Variants in CASR observed in about 807,000 individuals in gnomAD.
CASR encodes extracellular calcium-sensing receptor.
Under a neutral mutation model 69.1 loss-of-function variants are expected in CASR, and 23 were observed. The observed-to-expected ratio is 0.33, with a 90% confidence interval of 0.24 to 0.47. The LOEUF (loss-of-function observed/expected upper bound fraction) is 0.47, where lower values mean the gene tolerates loss of function less well. Among genes scored for constraint, CASR ranks in the 20% least tolerant of loss-of-function variants. CASR has a pLI of 1.00. For synonymous variants in CASR, 541 were observed against 544.7 expected (o/e 0.99, Z 0.10); for missense variants, 924 against 1,356.1 (o/e 0.68, Z 5.00).
In CASR at chr3:122,262,261, T is replaced by C. The variant is rs1409742096; in HGVS notation, c.1226T>C (p.Ile409Thr). ...ENISSVETPYIDYTHLRISYN... is the reference protein window; with the variant it reads ...ENISSVETPYTDYTHLRISYN... ...ATCAGCAGTGTCGAGACCCCTTACA[T>C]AGATTACACGCATTTACGGATATCC... Residue 409 changes from isoleucine (I) to threonine (T), a missense_variant, in exon 4 of 7, where the codon ATA becomes ACA. Transcript: ENST00000639785. The C allele has an allele frequency of 2.5e-6, 4 of 1,614,210 alleles. No homozygotes were observed. The highest frequency in any genetic ancestry group is 1.1e-5 in the South Asian group (1 of 91,090).
intron 1 of CASR, among the ~76,000 whole-genome samples, chr3:122,219,428 C>A (rs1403603315): frequency 6.6e-6 from 1 of 152,192 alleles, no homozygotes; most frequent in African/African-American, 2.4e-5. Flanking sequence ...TATGATTCAT[C>A]TCACCAGACC....
chr3:122,194,686 T>C (rs981143926), intron 1 of CASR, among the ~76,000 whole-genome samples: 1 of 152,202 alleles, frequency 6.6e-6, no homozygotes, highest in Non-Finnish European at 1.5e-5. Context: ...GTACTAGCCA[T>C]GTCTTATAAC....
intron 1 of CASR, among the ~76,000 whole-genome samples, chr3:122,223,119 A>G (rs1020300665): frequency 2.0e-5 from 3 of 152,328 alleles, no homozygotes; most frequent in East Asian, 1.9e-4. Context: ...AAGAAGTTAG[A>G]AATATCTTAA....
intron 1 of CASR, among the ~76,000 whole-genome samples, chr3:122,207,524 G>A (rs753989633): frequency 6.6e-5 from 10 of 151,844 alleles, no homozygotes; most frequent in Non-Finnish European, 1.0e-4. Context: ...GAGGAACTTC[G>A]GAAACTTCAC....
intron 5 of CASR, among the ~76,000 whole-genome samples, chr3:122,280,467 C>G (rs1384633341): frequency 6.6e-6 from 1 of 152,152 alleles, no homozygotes; most frequent in Non-Finnish European, 1.5e-5. Flanking sequence ...GTTTGGAAAA[C>G]AGGGCCTTTA....
At chr3:122,267,042 C>A (rs530806977) in intron 4 of CASR, among the ~76,000 whole-genome samples, 1 of 152,120 alleles carries the variant, frequency 6.6e-6, no homozygotes, top group Non-Finnish European at 1.5e-5. Context: ...TGTTCTCTCT[C>A]GGGCAGATAT....
At chr3:122,229,224 G>C (rs985889521) in intron 1 of CASR, among the ~76,000 whole-genome samples, 1 of 152,126 alleles carries the variant, frequency 6.6e-6, no homozygotes, top group South Asian at 2.1e-4. Flanking sequence ...TTTTACCAAC[G>C]TCTATACACT....
Position 122,289,032 on chromosome 3 carries a change from T to C in CASR, c.*3841T>C, listed in dbSNP as rs1241088292. On this transcript the variant is annotated 3_prime_UTR_variant, in exon 7 of 7. Coordinates refer to ENST00000639785, the MANE Select transcript of CASR (RefSeq NM_000388.4). ...ATTTTGATTTTGGGGAAGTTGGGGC[T>C]ACCCTACCTCTGTCTCCAAAAGGCA... The C allele has an allele frequency of 2.0e-5, 3 of 152,218 alleles. No homozygotes were observed. The highest frequency in any genetic ancestry group is 4.4e-5 in the Non-Finnish European group (3 of 68,042). 9.4% of individuals were successfully genotyped at this position (152,218 alleles called of 1,614,324 possible).
At chr3:122,221,290 C>G (rs35855416) in intron 1 of CASR, among the ~76,000 whole-genome samples, 5,700 of 152,190 alleles carry the variant, frequency 0.037, 129 homozygotes, top group South Asian at 0.071. Context: ...CCCCTCACCC[C>G]CTTCCTTGGA....
chr3:122,194,173 C>T (rs2073865445), intron 1 of CASR, among the ~76,000 whole-genome samples: 1 of 152,194 alleles, frequency 6.6e-6, no homozygotes, highest in South Asian at 2.1e-4. Flanking sequence ...ATCTCCTTAT[C>T]ACCTATTCAG....
chr3:122,245,298 C>T (rs1317891847), intron 1 of CASR: 1 of 152,160 alleles, frequency 6.6e-6, no homozygotes, highest in Non-Finnish European at 1.5e-5. Flanking sequence ...TATTTTCAAT[C>T]TGAAGTTGAC....
At chr3:122,202,797 C>T (rs2107589112) in intron 1 of CASR, among the ~76,000 whole-genome samples, 1 of 152,312 alleles carries the variant, frequency 6.6e-6, no homozygotes, top group Non-Finnish European at 1.5e-5. Flanking sequence ...TTTCCTATCA[C>T]ATTTAAATCT....
chr3:122,187,675 A>G (rs2073799691), intron 1 of CASR, among the ~76,000 whole-genome samples: 1 of 152,236 alleles, frequency 6.6e-6, no homozygotes, highest in South Asian at 2.1e-4. Context: ...ATCTTGAAAG[A>G]TGAGGAGTGA....
In CASR at chr3:122,255,934, A is replaced by G. The variant is rs1341481311; in HGVS notation, c.186-1147A>G. 2.6e-5 allele frequency among the ~76,000 whole-genome samples: 4 copies of G among 152,250 alleles called. No individual in the cohort carries two copies. In the South Asian group the frequency reaches 8.3e-4, roughly 32 times the overall value. Reference sequence around the variant, plus strand: ...AACCTGGTGAGTTGTTTTTTCCTCTAGACACAAATACACTGATTCAGCACA... The same window carrying G: ...AACCTGGTGAGTTGTTTTTTCCTCTGGACACAAATACACTGATTCAGCACA... On this transcript the variant is annotated intron_variant, in intron 2 of 6. Coordinates refer to ENST00000639785, the MANE Select transcript of CASR (RefSeq NM_000388.4).
At chr3:122,193,929 A>AT in intron 1 of CASR, among the ~76,000 whole-genome samples, 1 of 152,190 alleles carries the variant, frequency 6.6e-6, no homozygotes, top group East Asian at 1.9e-4. Flanking sequence ...CCTGGAAGGG[A>AT]TAAAAACCCT....
At chr3:122,202,433 G>A (rs2073966243) in intron 1 of CASR, among the ~76,000 whole-genome samples, 1 of 151,348 alleles carries the variant, frequency 6.6e-6, no homozygotes, top group Non-Finnish European at 1.5e-5. Context: ...GGAGACCGTG[G>A]AAAGAGAGGG....
intron 1 of CASR, among the ~76,000 whole-genome samples, chr3:122,188,946 G>A (rs1442578620): frequency 6.6e-6 from 1 of 152,228 alleles, no homozygotes; most frequent in Non-Finnish European, 1.5e-5. Context: ...AGACATGTGT[G>A]ATAGTGTTTG....
rs1048081105 is a variant in CASR at position 122,291,580 on chromosome 3, A to G, written c.*6389A>G. On this transcript the variant is annotated 3_prime_UTR_variant, in exon 7 of 7. Transcript: ENST00000639785. ...TCTAAATTTTTCCCAAGTTTTGTAT[A>G]TTAAGCACAAAATTATAACAGGAAA... 3 of 152,214 alleles carry G rather than the reference A, an allele frequency of 2.0e-5. No homozygotes were observed. Among genetic ancestry groups the G allele is most frequent in the Admixed American group, 6.5e-5 (1 of 15,274 alleles). The allele number at this position is 152,214 out of a possible 1,614,324, so 9.4% of individuals were successfully genotyped here. A position where few individuals can be genotyped will look rare whatever the true frequency, so the allele number is the denominator to read the frequency against.
rs1318715644 is a variant in CASR at position 122,288,759 on chromosome 3, G to A, written c.*3568G>A. 1 of 151,988 alleles carries A rather than the reference G, an allele frequency of 6.6e-6. No homozygotes were observed. The highest frequency in any genetic ancestry group is 1.5e-5 in the Non-Finnish European group (1 of 67,996). 9.4% of individuals were successfully genotyped at this position (151,988 alleles called of 1,614,324 possible). A position where few individuals can be genotyped will look rare whatever the true frequency, so the allele number is the denominator to read the frequency against. On this transcript the variant is annotated 3_prime_UTR_variant, in exon 7 of 7. Transcript: ENST00000639785. ...CTTTTCTCTTGAATAAAGGAAGTCA[G>A]GAGGTAAATATATGATCACCTTTTA...
Sources: allele counts gnomAD v4.1 joint callset (sites outside exome capture counted in the v4.1 genomes callset), GRCh38; gene constraint gnomAD v4.1.1; transcripts MANE v1.5; gene names NCBI Gene and HGNC (gene_info 2026-07-23, HGNC 2026-07-21).